Variants in CNTNAP2 observed in about 807,000 individuals in gnomAD.
CNTNAP2 encodes the protein contactin associated protein 2.
Under a neutral mutation model 155.2 loss-of-function variants are expected in CNTNAP2, and 98 were observed. The observed-to-expected ratio is 0.63, with a 90% CI of 0.54 to 0.75. The LOEUF (loss-of-function observed/expected upper bound fraction) is 0.75, where lower values mean the gene tolerates loss of function less well. Ranked by LOEUF, CNTNAP2 falls within the 30% of genes least tolerant of loss-of-function variation. CNTNAP2 has a pLI of 0.00. For synonymous variants in CNTNAP2, 651 were observed against 631.2 expected, an observed-to-expected ratio of 1.03 and a Z score of -0.47; for missense variants, 1,727 against 1,688.1, an observed-to-expected ratio of 1.02 and a Z score of -0.40.
chr7:146,681,977 C>T (rs1800512626), intron 1 of CNTNAP2, among the ~76,000 whole-genome samples: 1 of 143,376 alleles, frequency 7.0e-6, no homozygotes, highest in Non-Finnish European at 1.5e-5. Flanking sequence ...CAGATAAAAC[C>T]ATATAAAGTT....
At chr7:146,677,633 C>T (rs905082780) in intron 1 of CNTNAP2, among the ~76,000 whole-genome samples, 1 of 151,798 alleles carries the variant, frequency 6.6e-6, no homozygotes, top group Non-Finnish European at 1.5e-5. Flanking sequence ...TCTGTTGTTC[C>T]GAGGAGTGCC....
chr7:146,435,750 C>T (rs1282391174), intron 1 of CNTNAP2, among the ~76,000 whole-genome samples: 1 of 152,092 alleles, frequency 6.6e-6, no homozygotes, highest in Admixed American at 6.6e-5. Flanking sequence ...TTATTTAATG[C>T]TTTTATTTGG....
intron 2 of CNTNAP2, among the ~76,000 whole-genome samples, chr7:146,811,037 A>T (rs559779053): frequency 6.6e-6 from 1 of 152,126 alleles, no homozygotes; most frequent in African/African-American, 2.4e-5. Flanking sequence ...TCACTTTTTC[A>T]GTGTTTTGTT....
intron 1 of CNTNAP2, among the ~76,000 whole-genome samples, chr7:146,354,075 T>C (rs1794961720): frequency 6.6e-6 from 1 of 152,202 alleles, no homozygotes; most frequent in Admixed American, 6.5e-5. Context: ...AACGAGATAA[T>C]CTGCAGCCCT....
At chr7:148,176,163 C>T (rs933238135) in intron 18 of CNTNAP2, among the ~76,000 whole-genome samples, 2 of 151,040 alleles carry the variant, frequency 1.3e-5, no homozygotes, top group African/African-American at 4.9e-5. Context: ...AAGAAGGGGA[C>T]TTCCTCTAAC....
chr7:146,341,217 A>G (rs1190833598), intron 1 of CNTNAP2, among the ~76,000 whole-genome samples: 1 of 152,192 alleles, frequency 6.6e-6, no homozygotes, highest in Admixed American at 6.5e-5. Flanking sequence ...ATCAGATTAT[A>G]AGTCCTAAAT....
chr7:146,671,020 C>T (rs143272508), intron 1 of CNTNAP2, among the ~76,000 whole-genome samples: 10 of 152,176 alleles, frequency 6.6e-5, no homozygotes, highest in South Asian at 2.1e-4. Context: ...ATAAACACAA[C>T]GAACTTCAAA....
chr7:148,384,304 G>A (rs1799140971), intron 22 of CNTNAP2, among the ~76,000 whole-genome samples: 2 of 152,162 alleles, frequency 1.3e-5, no homozygotes, highest in Admixed American at 1.3e-4. Flanking sequence ...TCCTGGCTCT[G>A]TATTTATATG....
At chr7:146,629,738 T>C (rs1799479637) in intron 1 of CNTNAP2, among the ~76,000 whole-genome samples, 1 of 152,020 alleles carries the variant, frequency 6.6e-6, no homozygotes, top group African/African-American at 2.4e-5. Context: ...ACATGGAAAA[T>C]CCCAAAACTT....
chr7:147,183,529 A>G (rs1300485886), intron 8 of CNTNAP2, among the ~76,000 whole-genome samples: 2 of 152,116 alleles, frequency 1.3e-5, no homozygotes, highest in African/African-American at 4.8e-5. Flanking sequence ...TGCCAGAGCT[A>G]TTCATTGACA....
At chr7:147,519,037 A>T (rs1799183351) in intron 11 of CNTNAP2, among the ~76,000 whole-genome samples, 2 of 151,968 alleles carry the variant, frequency 1.3e-5, no homozygotes, top group Non-Finnish European at 2.9e-5. Flanking sequence ...AAAAAAAAAA[A>T]AAAAAAAAAT....
At chr7:148,395,499 G>A (rs1047491630) in intron 22 of CNTNAP2, among the ~76,000 whole-genome samples, 12 of 152,228 alleles carry the variant, frequency 7.9e-5, no homozygotes, top group Admixed American at 2.0e-4. Context: ...AGAGGCTGGC[G>A]TAAGTTGCCA....
At chr7:148,228,288 C>T (rs1421725057) in intron 19 of CNTNAP2, among the ~76,000 whole-genome samples, 1 of 151,984 alleles carries the variant, frequency 6.6e-6, no homozygotes, top group Admixed American at 6.5e-5. Flanking sequence ...TGCAGATTAA[C>T]TAAAAGCAGG....
chr7:146,786,109 A>G (rs1802569875), intron 2 of CNTNAP2, among the ~76,000 whole-genome samples: 1 of 152,182 alleles, frequency 6.6e-6, no homozygotes, highest in Admixed American at 6.5e-5. Flanking sequence ...TTAGGCCATA[A>G]AAAAACTGCA....
intron 13 of CNTNAP2, among the ~76,000 whole-genome samples, chr7:147,697,281 C>CTTT (rs965254613): frequency 6.6e-6 from 1 of 152,030 alleles, no homozygotes; most frequent in Non-Finnish European, 1.5e-5. Context: ...TCTGACATGT[C>CTTT]TTTTTTTTCC....
chr7:148,318,610 A>T (rs1210280969), intron 21 of CNTNAP2, among the ~76,000 whole-genome samples: 1 of 152,320 alleles, frequency 6.6e-6, no homozygotes, highest in Admixed American at 6.5e-5. Flanking sequence ...CCTACCCAAA[A>T]GCATTCAAAT....
intron 10 of CNTNAP2, among the ~76,000 whole-genome samples, chr7:147,398,128 G>A (rs1158056768): frequency 1.3e-5 from 2 of 152,024 alleles, no homozygotes; most frequent in Non-Finnish European, 2.9e-5. Context: ...ACTGAAGAGT[G>A]TATTGATGAT....
At chr7:146,862,125 T>C (rs145354097) in intron 3 of CNTNAP2, among the ~76,000 whole-genome samples, 1 of 152,300 alleles carries the variant, frequency 6.6e-6, no homozygotes, top group African/African-American at 2.4e-5. Context: ...GTTAAGACTT[T>C]AGAATGCAGG....
At chr7:147,333,739 G>T (rs1795617748) in intron 9 of CNTNAP2, among the ~76,000 whole-genome samples, 1 of 152,110 alleles carries the variant, frequency 6.6e-6, no homozygotes, top group South Asian at 2.1e-4. Flanking sequence ...AGAGACCTCT[G>T]TACAAATATG....
Sources: allele counts gnomAD v4.1 joint callset (sites outside exome capture counted in the v4.1 genomes callset), GRCh38; gene constraint gnomAD v4.1.1; transcripts MANE v1.5; gene names NCBI Gene and HGNC (gene_info 2026-07-23, HGNC 2026-07-21).